The following SLITRK1 variants were observed in gnomAD, a reference collection of about 807,000 sequenced individuals.
The protein encoded by SLITRK1 is SLIT and NTRK like family member 1, also known as SLIT and NTRK-like protein 1.
In SLITRK1, 10 loss-of-function variants were observed where a neutral mutation model predicts 42.4. The observed-to-expected ratio is 0.24, with a 90% CI of 0.15 to 0.40. The LOEUF is 0.40. Among genes scored for constraint, SLITRK1 ranks in the 10% least tolerant of loss-of-function variants. SLITRK1 has a pLI of 1.00. For synonymous variants in SLITRK1, 389 were observed against 365.7 expected (o/e 1.06, Z -0.73); for missense variants, 778 against 848.8 (o/e 0.92, Z 1.04).
rs939739336 is a variant in SLITRK1, at chr13:83,880,460, T to A, written c.1048A>T (p.Ile350Phe). Residue 350 changes from isoleucine to phenylalanine, a missense_variant, in exon 2 of 2, where the codon ATC becomes TTC. Physicochemically the swap from Ile to Phe is conservative, Grantham distance 21. Around this residue, in one of 4 missense-constraint regions of SLITRK1, gnomAD observed 395 missense variants for 360.4 expected, o/e 1.10. Coordinates refer to ENST00000674365, the MANE Select transcript of SLITRK1 (RefSeq NM_001281503.2). ...PCPGGCSCDH[I>F]PGSGLKMNCN... ...TTCATCTTTAAACCCGACCCTGGGA[T>A]GTGGTCGCAGCTGCAGCCCCCAGGG... 3.7e-6 allele frequency: 6 copies of A among 1,614,040 alleles called. No homozygotes were observed. In the Admixed American group the frequency reaches 1.0e-4, roughly 27 times the overall value.
chr13:83,881,748 AAAG>A (rs1884819702), intron 1 of SLITRK1, 188 bp from the exon 2 acceptor site: 5 of 318,800 alleles, frequency 1.6e-5, no homozygotes, highest in East Asian at 5.5e-5. Flanking sequence ...CAAGGCAAGC[AAAG>A]AAAAAAAAAA....
chr13:83,880,023 C>T lies in SLITRK1; in HGVS notation c.1485G>A (p.Ser495=), dbSNP rs141650772. ...SLPVDVFAGV[S]LSKLSLHNNY... is the part of the protein sequence containing the mutation. Reference sequence around the variant, plus strand: ...TGTTGTGCAGGCTGAGTTTAGAGAGCGAGACCCCAGCGAACACGTCCACAG... The same window carrying T: ...TGTTGTGCAGGCTGAGTTTAGAGAGTGAGACCCCAGCGAACACGTCCACAG... Residue 495 remains serine, a synonymous_variant, in exon 2 of 2, where the codon TCG becomes TCA. Transcript: ENST00000674365. 3.6e-5 allele frequency: 58 copies of T among 1,613,948 alleles called. 1 individual carries two copies. In the East Asian group the frequency reaches 1.3e-3, roughly 36 times the overall value.
chr13:83,881,614 A>T, intron 1 of SLITRK1, 54 bp from the exon 2 acceptor site: 1 of 589,564 alleles, frequency 1.7e-6, no homozygotes, highest in Non-Finnish European at 3.1e-6. Context: ...GTCCGAAGCC[A>T]GGAAAGGAGA....
At position 83,878,597 on chromosome 13, in the gene SLITRK1, CA is replaced by C. The variant is rs1261497542; in HGVS notation, c.*819del. 3.3e-5 allele frequency: 5 copies of C among 152,406 alleles called. No individual in the cohort carries two copies. Among genetic ancestry groups the C allele is most frequent in the Non-Finnish European group, 7.4e-5 (5 of 67,974 alleles). The allele number at this position is 152,406 out of a possible 1,614,324, so 9.4% of individuals were successfully genotyped here. A position where few individuals can be genotyped will look rare whatever the true frequency, so the allele number is the denominator to read the frequency against. ...ACCATCAAAATAAAAGAACCCAAAA[CA>C]ACCCCTAAAAACTTCCCTCAACAAA... On this transcript the variant is annotated 3_prime_UTR_variant, in exon 2 of 2. Transcript: ENST00000674365.
rs1335174303 is a variant in SLITRK1, at chr13:83,879,510, T to G, written c.1998A>C (p.Thr666=). 4 of 1,613,990 alleles carry G rather than the reference T, an allele frequency of 2.5e-6. No homozygotes were observed. Among genetic ancestry groups the G allele is most frequent in the African/African-American group, 1.3e-5 (1 of 74,918 alleles). Residue 666 remains threonine, a synonymous_variant, in exon 2 of 2, where the codon ACA becomes ACC. Transcript: ENST00000674365. The part of the protein sequence containing the change: ...SSASEINSLQ[T]VCDSSYWHNG... ...TGTGCCAGTAGGAAGAGTCACAGAC[T>G]GTCTGTAGGGAATTAATCTCGGACG...
chr13:83,879,938 T>C lies in SLITRK1; in HGVS notation c.1570A>G (p.Ile524Val), dbSNP rs1267148988. 3 of 1,613,968 alleles carry C rather than the reference T, an allele frequency of 1.9e-6. No individual in the cohort carries two copies. Among genetic ancestry groups the C allele is most frequent in the South Asian group, 1.1e-5 (1 of 91,078 alleles). The part of the protein sequence containing the change: ...VLDQLTSIIQ[I>V]DLHGNPWECS... ...TCCCAGGGGTTTCCGTGGAGGTCTA[T>C]CTGGATGATGGAGGTTAACTGGTCC... is the stretch of plus-strand genomic sequence containing the variant. The change falls in exon 2 of 2, where the codon ATA becomes GTA. Residue 524 changes from isoleucine to valine, a missense_variant. By Grantham distance (29) the Ile-to-Val change is conservative. Transcript: ENST00000674365.
At chr13:83,881,735 G>T in intron 1 of SLITRK1, 175 bp from the exon 2 acceptor site, 35 of 184,166 alleles carry the variant, frequency 1.9e-4, no homozygotes, top group Middle Eastern at 2.5e-3. Flanking sequence ...CAGGCACGTA[G>T]TGCAAGGCAA....
rs981296964 is a variant in SLITRK1, at chr13:83,881,358, C to T, written c.150G>A (p.Leu50=). 1.9e-6 allele frequency: 3 copies of T among 1,614,044 alleles called. No individual in the cohort carries two copies. Among genetic ancestry groups the T allele is most frequent in the Non-Finnish European group, 2.5e-6 (3 of 1,180,046 alleles). The change falls in exon 2 of 2, where the codon CTG becomes CTA. Residue 50 remains leucine (L), a synonymous_variant. Transcript: ENST00000674365. Reference sequence around the variant, plus strand: ...GGGAAGTCGGGGCAGTGAAACGCTGCAGACTTGTGAAGCCCTTTTTTTCAC... The same window carrying T: ...GGGAAGTCGGGGCAGTGAAACGCTGTAGACTTGTGAAGCCCTTTTTTTCAC... ...VDCEKKGFTS[L]QRFTAPTSQF...
rs977668128 is a variant in SLITRK1 at position 83,877,445 on chromosome 13, C to G, written c.*1972G>C. 3 of 152,010 alleles carry G rather than the reference C, an allele frequency of 2.0e-5. No individual in the cohort carries two copies. Among genetic ancestry groups the G allele is most frequent in the Admixed American group, 2.0e-4 (3 of 15,260 alleles). 9.4% of individuals were successfully genotyped at this position (152,010 alleles called of 1,614,324 possible). ...TGGATATGTGGTGGAATGCAGACTCCATCAATATGTGTGGTTTTGTTTGCT... is the reference window on the plus strand; with the variant it reads ...TGGATATGTGGTGGAATGCAGACTCGATCAATATGTGTGGTTTTGTTTGCT... On this transcript the variant is annotated 3_prime_UTR_variant, in exon 2 of 2. Coordinates refer to ENST00000674365, the MANE Select transcript of SLITRK1 (RefSeq NM_001281503.2).
Position 83,882,309 on chromosome 13 carries a change from CCTT to C in SLITRK1, c.-362_-360del, listed in dbSNP as rs913046459. ...TTACTAGCTCTTCTTTTCCTGTTCTCCTTCTCTTTCTTCTGCTCTTTCGGAATT... is the reference window on the plus strand; with the variant it reads ...TTACTAGCTCTTCTTTTCCTGTTCTCCTCTTTCTTCTGCTCTTTCGGAATT... On this transcript the variant is annotated 5_prime_UTR_variant, in exon 1 of 2. Coordinates refer to ENST00000674365, the MANE Select transcript of SLITRK1 (RefSeq NM_001281503.2). 1 of 160,674 alleles carries C rather than the reference CCTT, an allele frequency of 6.2e-6. No individual in the cohort carries two copies. Among genetic ancestry groups the C allele is most frequent in the Non-Finnish European group, 1.5e-5 (1 of 67,782 alleles). 10.0% of individuals were successfully genotyped at this position (160,674 alleles called of 1,614,324 possible).
chr13:83,881,742 G>A (rs1884819201), intron 1 of SLITRK1, 182 bp from the exon 2 acceptor site: 2 of 206,974 alleles, frequency 9.7e-6, no homozygotes, highest in Non-Finnish European at 1.8e-5. Context: ...GTAGTGCAAG[G>A]CAAGCAAAGA....
Position 83,877,613 on chromosome 13 carries a change from C to T in SLITRK1, c.*1804G>A, listed in dbSNP as rs1884717359. 2 of 130,158 alleles carry T rather than the reference C, an allele frequency of 1.5e-5. No individual in the cohort carries two copies. The highest frequency in any genetic ancestry group is 5.9e-5 in the African/African-American group (2 of 34,134). 8.1% of individuals were successfully genotyped at this position (130,158 alleles called of 1,614,324 possible). Reference sequence around the variant, plus strand: ...AGAAATCCGGATGATGGGAGAGAAACACTTCTTTAGGATAATGATTAATTT... The same window carrying T: ...AGAAATCCGGATGATGGGAGAGAAATACTTCTTTAGGATAATGATTAATTT... On this transcript the variant is annotated 3_prime_UTR_variant, in exon 2 of 2. Transcript: ENST00000674365.
In SLITRK1 at chr13:83,880,600, G is replaced by A; in HGVS notation, c.908C>T (p.Ser303Phe). The A allele has an allele frequency of 6.2e-7, 1 of 1,614,162 alleles. No homozygotes were observed. ...GATCTTTGTACCTCCGTTTGGAGCA[G>A]ACCCTGGTGTGGCATGATCCTCTTG... The part of the protein sequence containing the change: ...NGQEDHATPG[S>F]APNGGTKIPG... The change falls in exon 2 of 2, where the codon TCT (serine) becomes TTT (phenylalanine). Residue 303 changes from serine (S) to phenylalanine (F), a missense_variant. Transcript: ENST00000674365.
rs1236998930 is a variant in SLITRK1 at position 83,880,689 on chromosome 13, C to A, written c.819G>T (p.Ala273=). ...CAAAGGTCTCTTCTTGGGCAGGGGG[C>A]GCCGGGAGACTAGAATCCACTCGGT... ...LKNRVDSSLP[A]PPAQEETFAP... The change falls in exon 2 of 2, where the codon GCG becomes GCT. Residue 273 remains alanine (A), a synonymous_variant. Transcript: ENST00000674365. The A allele has an allele frequency of 1.2e-6, 2 of 1,613,974 alleles. No individual in the cohort carries two copies. Among genetic ancestry groups the A allele is most frequent in the South Asian group, 2.2e-5 (2 of 91,066 alleles).
chr13:83,879,442 C>A lies in SLITRK1; in HGVS notation c.2066G>T (p.Cys689Phe). 1 of 1,613,632 alleles carries A rather than the reference C, an allele frequency of 6.2e-7. No homozygotes were observed. The highest frequency in any genetic ancestry group is 1.1e-5 in the South Asian group (1 of 91,084). The change falls in exon 2 of 2, where the codon TGT becomes TTT. Residue 689 changes from cysteine (C) to phenylalanine (F), a missense_variant. By Grantham distance (205) the Cys-to-Phe change is radical. Around this residue, in one of 4 missense-constraint regions of SLITRK1, gnomAD observed 164 missense variants for 158.2 expected, o/e 1.04. Transcript: ENST00000674365. ...TTAGTCTGAGAGCGAGTGAGAGCCA[C>A]AGTCATACACTCTGTGGGCCCCATC... Reference protein sequence around the residue: ...NADGAHRVYDCGSHSLSD With the variant: ...NADGAHRVYDFGSHSLSD
At position 83,878,180 on chromosome 13, in the gene SLITRK1, TC is replaced by T. The variant is rs1342980800; in HGVS notation, c.*1236del. The stretch of plus-strand genomic sequence containing the variant: ...CCAACCGTTTCCCTCCCCTGTCTCT[TC>T]CACCGCAAATCCAATTTACCACTTG... On this transcript the variant is annotated 3_prime_UTR_variant, in exon 2 of 2. Transcript: ENST00000674365. 6.6e-6 allele frequency: 1 copy of T among 152,472 alleles called. No individual in the cohort carries two copies. The highest frequency in any genetic ancestry group is 1.9e-4 in the East Asian group (1 of 5,188). The allele number at this position is 152,472 out of a possible 1,614,324, so 9.4% of individuals were successfully genotyped here. A position where few individuals can be genotyped will look rare whatever the true frequency, so the allele number is the denominator to read the frequency against.
rs774882620 is a variant in SLITRK1, at chr13:83,879,554, G to T, written c.1954C>A (p.Arg652=). Residue 652 remains arginine, a synonymous_variant, in exon 2 of 2, where the codon CGA becomes AGA. Transcript: ENST00000674365. The part of the protein sequence containing the change: ...ILRNRKRSKR[R]DANSSASEIN... The stretch of plus-strand genomic sequence containing the variant: ...TCGGACGCGGAGGAGTTGGCATCTC[G>T]TCTCTTGGACCGCTTTCGGTTCCTC... 119 of 1,613,930 alleles carry T rather than the reference G, an allele frequency of 7.4e-5. No homozygotes were observed. Among genetic ancestry groups the T allele is most frequent in the Non-Finnish European group, 9.8e-5 (116 of 1,180,036 alleles).
At position 83,879,735 on chromosome 13, in the gene SLITRK1, C is replaced by G. The variant is rs762976994; in HGVS notation, c.1773G>C (p.Ser591=). 1 of 1,613,880 alleles carries G rather than the reference C, an allele frequency of 6.2e-7. No homozygotes were observed. The highest frequency in any genetic ancestry group is 1.7e-5 in the Admixed American group (1 of 59,998). The change falls in exon 2 of 2, where the codon TCG becomes TCC. Residue 591 remains serine, a synonymous_variant. Transcript: ENST00000674365. ...CCAACCCAGTGCTGTTTTTACTGTGCGAAGTTAACGTGGGCGAGATCCTAG... is the reference window on the plus strand; with the variant it reads ...CCAACCCAGTGCTGTTTTTACTGTGGGAAGTTAACGTGGGCGAGATCCTAG... ...LYARISPTLT[S]HSKNSTGLAE... is the part of the protein sequence containing the mutation.
chr13:83,881,230 C>T lies in SLITRK1; in HGVS notation c.278G>A (p.Gly93Asp), dbSNP rs1566299685. ...NAVSLHMENN[G>D]LHEIVPGAFL... is the part of the protein sequence containing the mutation. The stretch of plus-strand genomic sequence containing the variant: ...AGCCCCCGGAACGATTTCATGCAAG[C>T]CATTGTTTTCCATGTGCAAACTAAC... The change falls in exon 2 of 2, where the codon GGC becomes GAC. Residue 93 changes from glycine (G) to aspartate (D), a missense_variant. This residue lies in a region of SLITRK1 where 204 missense variants were observed against 295.3 expected (regional missense o/e 0.69). Transcript: ENST00000674365. 6.2e-7 allele frequency: 1 copy of T among 1,613,996 alleles called. No individual in the cohort carries two copies. Among genetic ancestry groups the T allele is most frequent in the Non-Finnish European group, 8.5e-7 (1 of 1,180,048 alleles).
Sources: allele counts gnomAD v4.1 joint callset, GRCh38; gene constraint gnomAD v4.1.1; regional missense constraint gnomAD v4.1.1; transcripts MANE v1.5; gene names NCBI Gene and HGNC (gene_info 2026-07-23, HGNC 2026-07-21).